The following JMJD1C variants were observed in gnomAD, a reference collection of about 807,000 sequenced individuals.
The protein encoded by JMJD1C is jumonji domain containing 1C, also known as jumonji domain-containing protein 1C.
A neutral mutation model predicts 245.3 loss-of-function variants in JMJD1C; 31 were observed. The ratio of observed to expected loss-of-function variants is 0.13; its 90% CI spans 0.09 to 0.17. The LOEUF (loss-of-function observed/expected upper bound fraction) is 0.17. JMJD1C is among the 10% of genes least tolerant of loss of function. The probability of loss-of-function intolerance (pLI) is 1.00; values close to 1 mark genes in which losing one functional copy is unlikely to be tolerated. For synonymous variants in JMJD1C, 1,057 were observed against 1,017.4 expected (o/e 1.04, Z -0.74); for missense variants, 2,691 against 3,000.2 (o/e 0.90, Z 2.41).
At chr10:63,182,041 T>C (rs746726378) in intron 22 of JMJD1C, among the ~76,000 whole-genome samples, 12 of 152,228 alleles carry the variant, frequency 7.9e-5, no homozygotes, top group Non-Finnish European at 1.6e-4. Context: ...GATTTTAGGT[T>C]GTGTATTATA....
chr10:63,195,643 A>C (rs1845373284), intron 13 of JMJD1C, among the ~76,000 whole-genome samples: 1 of 152,184 alleles, frequency 6.6e-6, no homozygotes, highest in Non-Finnish European at 1.5e-5. Context: ...AGTTACACTT[A>C]AAAGAATGAT....
Position 63,217,325 on chromosome 10 carries a change from T to A in JMJD1C, c.560A>T (p.Tyr187Phe), listed in dbSNP as rs777717621. Residue 187 changes from tyrosine (Y) to phenylalanine (F), a missense_variant, in exon 5 of 26, where the codon TAT (tyrosine) becomes TTT (phenylalanine). This residue lies in a region of JMJD1C where 172 missense variants were observed against 240.8 expected (regional missense o/e 0.71). Transcript: ENST00000399262. ...KVQEIFMQGPYSLNGYRVRVY... is the reference protein window; with the variant it reads ...KVQEIFMQGPFSLNGYRVRVY... ...TCTCACTCTGTATCCATTTAAGGAA[T>A]AAGGACCTTAAAAAAAACACAAGAA... 3 of 1,570,620 alleles carry A rather than the reference T, an allele frequency of 1.9e-6. No individual in the cohort carries two copies. The Admixed American group carries it at 6.1e-5, about 32-fold the overall frequency.
intron 20 of JMJD1C, 75 bp from the exon 21 acceptor site, chr10:63,184,813 A>G (rs962708056): frequency 3.3e-5 from 47 of 1,411,136 alleles, no homozygotes; most frequent in Non-Finnish European, 2.5e-5. Context: ...ATAATTTTCA[A>G]GTTGTTCAAA....
intron 2 of JMJD1C, among the ~76,000 whole-genome samples, chr10:63,272,515 T>G (rs1003739386): frequency 6.6e-6 from 1 of 152,128 alleles, no homozygotes. Flanking sequence ...CCTCCCAAAG[T>G]TGCTGGGATT....
intron 17 of JMJD1C, 138 bp from the exon 18 acceptor site, chr10:63,189,584 A>G: frequency 1.3e-6 from 1 of 748,706 alleles, no homozygotes; most frequent in Non-Finnish European, 2.1e-6. Flanking sequence ...GAGTTCCTAT[A>G]TTCCTGACAA....
intron 22 of JMJD1C, among the ~76,000 whole-genome samples, chr10:63,183,220 T>C (rs140441352): frequency 9.6e-4 from 146 of 152,314 alleles, no homozygotes; most frequent in Non-Finnish European, 3.2e-4. Flanking sequence ...TACTTAATGA[T>C]AGAAAAGAAG....
intron 1 of JMJD1C, among the ~76,000 whole-genome samples, chr10:63,462,468 C>G (rs1208881429): frequency 6.6e-6 from 1 of 152,108 alleles, no homozygotes; most frequent in Non-Finnish European, 1.5e-5. Context: ...ATGTCCTAAT[C>G]CCAGGAACCT....
intron 3 of JMJD1C, among the ~76,000 whole-genome samples, chr10:63,234,089 TAAC>T (rs924226228): frequency 5.3e-5 from 8 of 152,282 alleles, no homozygotes; most frequent in African/African-American, 1.9e-4. Flanking sequence ...TTGGTAATGA[TAAC>T]AGAGTAAAAT....
At chr10:63,333,536 AAAAAG>A (rs1942385990) in intron 2 of JMJD1C, among the ~76,000 whole-genome samples, 1 of 152,216 alleles carries the variant, frequency 6.6e-6, no homozygotes, top group Admixed American at 6.5e-5. Context: ...CTATCTCAAA[AAAAAG>A]AAAAAAGAGA....
In JMJD1C at chr10:63,348,205, CAAA is replaced by C. The variant is rs35674300; in HGVS notation, c.333+32110_333+32112del. 4.8e-3 allele frequency among the ~76,000 whole-genome samples: 628 copies of C among 129,902 alleles called. 3 individuals carry two copies. The highest frequency in any genetic ancestry group is 7.8e-3 in the South Asian group (31 of 3,988). The allele number at this position is 129,902 out of a possible 152,430, so 85.2% of individuals were successfully genotyped here. A position where few individuals can be genotyped will look rare whatever the true frequency, so the allele number is the denominator to read the frequency against. ...TGGGGGACAGAGCGAGACTTCATCT[CAAA>C]AAAAAAAAAAAAAAGGCATTCAAAT... On this transcript the variant is annotated intron_variant, in intron 2 of 25. Transcript: ENST00000399262.
intron 10 of JMJD1C, chr10:63,204,822 T>C (rs1489629544): frequency 3.0e-6 from 3 of 985,354 alleles, no homozygotes; most frequent in African/African-American, 3.5e-5. Context: ...TCCATCCTCC[T>C]GTTTTCCTCT....
chr10:63,320,017 C>T lies in JMJD1C; in HGVS notation c.334-55253G>A, dbSNP rs376844684. Reference sequence around the variant, plus strand: ...CTGACCTCAGGTGATCCACCCGCCTCAGCCTCCCAAAGCGCTTGGATTACA... The same window carrying T: ...CTGACCTCAGGTGATCCACCCGCCTTAGCCTCCCAAAGCGCTTGGATTACA... On this transcript the variant is annotated intron_variant, in intron 2 of 25. Transcript: ENST00000399262. 5.9e-5 allele frequency among the ~76,000 whole-genome samples: 9 copies of T among 152,306 alleles called. No homozygotes were observed. In the South Asian group the frequency reaches 1.4e-3, roughly 25 times the overall value.
upstream of JMJD1C, among the ~76,000 whole-genome samples, chr10:63,467,976 G>A (rs571567495): frequency 9.2e-5 from 14 of 152,322 alleles, no homozygotes; most frequent in African/African-American, 3.4e-4. Flanking sequence ...ACATTCTTAA[G>A]AGTATAGGTT....
chr10:63,507,760 T>TG (rs1428618071), intron 1 of JMJD1C, among the ~76,000 whole-genome samples: 1 of 152,166 alleles, frequency 6.6e-6, no homozygotes, highest in Non-Finnish European at 1.5e-5. Flanking sequence ...TTCTGAATTT[T>TG]GGGCATTCTA....
At chr10:63,456,643 GA>G (rs1303224910) in intron 1 of JMJD1C, among the ~76,000 whole-genome samples, 1 of 151,964 alleles carries the variant, frequency 6.6e-6, no homozygotes, top group South Asian at 2.1e-4. Flanking sequence ...TTCTAGCTTT[GA>G]AAAAATCTGA....
intron 2 of JMJD1C, among the ~76,000 whole-genome samples, chr10:63,277,894 G>A (rs1359523686): frequency 1.3e-5 from 2 of 151,432 alleles, no homozygotes; most frequent in Non-Finnish European, 1.5e-5. Flanking sequence ...GCGCCACCAC[G>A]CCTGTCTAAC....
At chr10:63,259,530 G>A (rs1016164027) in intron 3 of JMJD1C, among the ~76,000 whole-genome samples, 6 of 152,080 alleles carry the variant, frequency 3.9e-5, no homozygotes, top group African/African-American at 1.4e-4. Context: ...ATTACCTTAG[G>A]GATATTCAGA....
intron 3 of JMJD1C, among the ~76,000 whole-genome samples, chr10:63,256,965 T>C (rs537270685): frequency 6.6e-6 from 1 of 152,132 alleles, no homozygotes; most frequent in African/African-American, 2.4e-5. Flanking sequence ...CCAGGCGCAG[T>C]GGCTTACACC....
At chr10:63,168,353 G>A in intron 25 of JMJD1C, 82 bp downstream of exon 25, 2 of 1,377,250 alleles carry the variant, frequency 1.5e-6, no homozygotes, top group South Asian at 1.4e-5. Flanking sequence ...ACTAGGCAAT[G>A]ACTGCCTAAG....
Sources: gnomAD v4.1 joint callset for allele counts (sites outside exome capture counted in the v4.1 genomes callset) on GRCh38, gnomAD v4.1.1 for gene constraint, gnomAD v4.1.1 regional missense constraint, MANE v1.5 for transcripts, NCBI Gene and HGNC (gene_info 2026-07-23, HGNC 2026-07-21) for gene names.